The following PIGB variants were observed in gnomAD, a reference collection of about 807,000 sequenced individuals.
PIGB encodes the protein GPI alpha-1,2-mannosyltransferase 3.
A neutral mutation model predicts 68.4 loss-of-function variants in PIGB; 58 were observed. That is an observed-to-expected ratio of 0.85 (90% CI 0.69 to 1.06). The LOEUF (loss-of-function observed/expected upper bound fraction) is 1.06, where lower values mean the gene tolerates loss of function less well. PIGB is among the 50% of genes least tolerant of loss of function. The pLI is 0.00. For synonymous variants in PIGB, 219 were observed against 220.5 expected (o/e 0.99, Z 0.06); for missense variants, 634 against 655.8 (o/e 0.97, Z 0.36).
intron 9 of PIGB, among the ~76,000 whole-genome samples, chr15:55,344,805 T>C (rs1210712487): frequency 6.6e-6 from 1 of 152,100 alleles, no homozygotes; most frequent in Admixed American, 6.6e-5. Flanking sequence ...TGATTCTGAG[T>C]TGAGTGTCTG....
At chr15:55,354,051 C>T (rs188184680) in intron 10 of PIGB, among the ~76,000 whole-genome samples, 23 of 150,782 alleles carry the variant, frequency 1.5e-4, no homozygotes, top group African/African-American at 5.4e-4. Context: ...GTGGCTCACA[C>T]CTGTAATCCC....
chr15:55,319,637 G>C (rs866868427), intron 1 of PIGB: 7 of 424,836 alleles, frequency 1.6e-5, no homozygotes, highest in African/African-American at 1.0e-4. Context: ...CCGACAGGCT[G>C]TCCATTTGTG....
chr15:55,327,831 G>A (rs1183780059), intron 4 of PIGB, among the ~76,000 whole-genome samples, 196 bp downstream of exon 4: 2 of 152,202 alleles, frequency 1.3e-5, no homozygotes, highest in Non-Finnish European at 2.9e-5. Flanking sequence ...CCTGCACAGT[G>A]TAAGCCACTG....
intron 9 of PIGB, among the ~76,000 whole-genome samples, chr15:55,345,673 C>T (rs192179147): frequency 6.6e-6 from 1 of 152,304 alleles, no homozygotes; most frequent in Non-Finnish European, 1.5e-5. Context: ...ACAGGAGAAT[C>T]ACTTGAACCC....
At chr15:55,348,098 C>T (rs760650500) in intron 9 of PIGB, among the ~76,000 whole-genome samples, 1 of 149,968 alleles carries the variant, frequency 6.7e-6, no homozygotes, top group Admixed American at 6.7e-5. Flanking sequence ...AAGTGATTCT[C>T]CTGCCTCAGC....
At chr15:55,352,958 C>G (rs1258834499) in intron 10 of PIGB, among the ~76,000 whole-genome samples, 1 of 152,048 alleles carries the variant, frequency 6.6e-6, no homozygotes, top group Non-Finnish European at 1.5e-5. Flanking sequence ...AAATGGAGAT[C>G]CTAGCAAAAA....
chr15:55,322,720 C>T (rs1168024625), intron 3 of PIGB, among the ~76,000 whole-genome samples: 3 of 152,098 alleles, frequency 2.0e-5, no homozygotes, highest in South Asian at 2.1e-4. Context: ...CCAGTGAAAC[C>T]GATGCTTCAA....
intron 9 of PIGB, among the ~76,000 whole-genome samples, chr15:55,347,138 A>G (rs2055812259): frequency 6.6e-6 from 1 of 152,252 alleles, no homozygotes; most frequent in Non-Finnish European, 1.5e-5. Flanking sequence ...AAACATGTAA[A>G]TAAAGGCAGT....
intron 9 of PIGB, among the ~76,000 whole-genome samples, chr15:55,347,231 G>A (rs1257818462): frequency 6.6e-6 from 1 of 152,188 alleles, no homozygotes; most frequent in Non-Finnish European, 1.5e-5. Context: ...TTTGAGACCA[G>A]CCTGGCCAAC....
rs73415544 is a variant in PIGB, at chr15:55,323,834, A to C, written c.417+2444A>C. ...GGCCTGTGATGGCATGGAACATGTA[A>C]AAAGAAAGAGGAAGAGGAGGGGAAA... On this transcript the variant is annotated intron_variant, in intron 3 of 11. Coordinates refer to ENST00000164305, the MANE Select transcript of PIGB (RefSeq NM_004855.5). Among the ~76,000 whole-genome samples the C allele has an allele frequency of 4.1e-3, 625 of 152,276 alleles. 1 individual carries two copies. Among genetic ancestry groups the C allele is most frequent in the African/African-American group, 0.014 (586 of 41,566 alleles).
intron 9 of PIGB, among the ~76,000 whole-genome samples, chr15:55,347,450 C>T (rs1300769292): frequency 2.0e-5 from 3 of 152,168 alleles, no homozygotes; most frequent in African/African-American, 7.2e-5. Flanking sequence ...ATCATAAAGA[C>T]AGTTCTATTT....
In PIGB at chr15:55,350,740, C is replaced by G. The variant is rs764535116; in HGVS notation, c.1165C>G (p.Leu389Val). 1.6e-5 allele frequency: 26 copies of G among 1,613,680 alleles called. No individual in the cohort carries two copies. In the South Asian group the frequency reaches 2.6e-4, roughly 16 times the overall value. ...THLKTWKKPALSFLFLSNLFL... is the reference protein window; with the variant it reads ...THLKTWKKPAVSFLFLSNLFL... ...CCTGAAAACATGGAAGAAACCAGCT[C>G]TAAGTTTCCTGTTTTTATCAAATTT... The change falls in exon 10 of 12, where the codon CTA (leucine) becomes GTA (valine). Residue 389 changes from leucine to valine, a missense_variant. Leu to Val is a conservative substitution (Grantham distance 32). Coordinates refer to ENST00000164305, the MANE Select transcript of PIGB (RefSeq NM_004855.5).
chr15:55,354,038 G>A (rs757011647), intron 10 of PIGB, among the ~76,000 whole-genome samples: 4 of 146,176 alleles, frequency 2.7e-5, no homozygotes, highest in Non-Finnish European at 4.5e-5. Context: ...GTGGCTGGGC[G>A]TGGTGGCTCA....
At chr15:55,339,500 T>C (rs1175429215) in intron 7 of PIGB, among the ~76,000 whole-genome samples, 182 bp downstream of exon 7, 2 of 152,228 alleles carry the variant, frequency 1.3e-5, no homozygotes, top group Non-Finnish European at 2.9e-5. Flanking sequence ...TACTCCTAGC[T>C]AATATTCAGG....
intron 3 of PIGB, 41 bp from the exon 4 acceptor site, chr15:55,327,490 A>G: frequency 7.7e-7 from 1 of 1,302,970 alleles, no homozygotes; most frequent in Non-Finnish European, 1.1e-6. Flanking sequence ...TTGAACCAAC[A>G]GATATTTTTA....
At chr15:55,330,505 T>C (rs747017092) in intron 5 of PIGB, among the ~76,000 whole-genome samples, 3 of 152,052 alleles carry the variant, frequency 2.0e-5, no homozygotes, top group Non-Finnish European at 4.4e-5. Flanking sequence ...CATAGAACTG[T>C]AAATGGGCTC....
At position 55,320,255 on chromosome 15, in the gene PIGB, T is replaced by G. The variant is rs748918561; in HGVS notation, c.164-20T>G. 1.2e-6 allele frequency: 2 copies of G among 1,605,460 alleles called. No homozygotes were observed. The highest frequency in any genetic ancestry group is 2.7e-5 in the African/African-American group (2 of 74,484). The stretch of plus-strand genomic sequence containing the variant: ...GCCTGACTTTTGTGCCACTATTACC[T>G]GTTTTGTTCTGTTTTTCAGATCTTC... On this transcript the variant is annotated intron_variant, in intron 1 of 11. Coordinates refer to ENST00000164305, the MANE Select transcript of PIGB (RefSeq NM_004855.5).
chr15:55,339,683 T>C (rs1350975655), intron 7 of PIGB, among the ~76,000 whole-genome samples: 2 of 152,350 alleles, frequency 1.3e-5, no homozygotes, highest in East Asian at 3.9e-4. Flanking sequence ...AAAATATGTC[T>C]ACTATCCTCT....
intron 6 of PIGB, among the ~76,000 whole-genome samples, chr15:55,338,357 C>T (rs578097197): frequency 5.9e-5 from 9 of 152,174 alleles, no homozygotes; most frequent in African/African-American, 2.2e-4. Flanking sequence ...TATGAAAAGA[C>T]TATGGTGGCC....
Sources: allele counts gnomAD v4.1 joint callset (sites outside exome capture counted in the v4.1 genomes callset), GRCh38; gene constraint gnomAD v4.1.1; transcripts MANE v1.5; gene names NCBI Gene and HGNC (gene_info 2026-07-23, HGNC 2026-07-21).